The following ZDHHC15 variants were observed in gnomAD, a reference collection of about 807,000 sequenced individuals.
The protein encoded by ZDHHC15 is palmitoyltransferase ZDHHC15.
Under a neutral mutation model 31.7 loss-of-function variants are expected in ZDHHC15, and 19 were observed. The ratio of observed to expected loss-of-function variants is 0.60; its 90% CI spans 0.42 to 0.88. ZDHHC15 has a LOEUF of 0.88. Ranked by LOEUF, ZDHHC15 falls within the 40% of genes least tolerant of loss-of-function variation. ZDHHC15 has a pLI of 0.00. For synonymous variants in ZDHHC15, 103 were observed against 90.0 expected (o/e 1.14, Z -0.82); for missense variants, 209 against 251.2 (o/e 0.83, Z 1.14).
intron 4 of ZDHHC15, among the ~76,000 whole-genome samples, chrX:75,438,170 C>T (rs966493116): frequency 8.9e-6 from 1 of 111,871 alleles, no homozygotes; most frequent in Non-Finnish European, 1.9e-5. Flanking sequence ...AACACTTTTA[C>T]ACTGTTGGTG....
At chrX:75,521,091 G>T in intron 1 of ZDHHC15, among the ~76,000 whole-genome samples, 1 of 110,491 alleles carries the variant, frequency 9.1e-6, no homozygotes, top group East Asian at 2.9e-4. Flanking sequence ...GGTGAGAAGA[G>T]TTTGGTATGA....
At chrX:75,477,022 A>AT (rs931244585) in intron 3 of ZDHHC15, among the ~76,000 whole-genome samples, 1 of 110,643 alleles carries the variant, frequency 9.0e-6, no homozygotes, top group Non-Finnish European at 1.9e-5. Context: ...ACAGCCATAA[A>AT]TTTTTTTCTG....
chrX:75,404,080 A>C (rs1341335084), intron 10 of ZDHHC15, among the ~76,000 whole-genome samples: 1 of 111,883 alleles, frequency 8.9e-6, no homozygotes, highest in Non-Finnish European at 1.9e-5. Flanking sequence ...CTGCACATCT[A>C]TGAACATGTG....
At chrX:75,504,746 T>C (rs2085133289) in intron 2 of ZDHHC15, among the ~76,000 whole-genome samples, 1 of 111,390 alleles carries the variant, frequency 9.0e-6, no homozygotes, top group Non-Finnish European at 1.9e-5. Flanking sequence ...TATATAATTA[T>C]TTAATATTTT....
At chrX:75,515,499 T>C (rs1448064563) in intron 1 of ZDHHC15, among the ~76,000 whole-genome samples, 3 of 111,770 alleles carry the variant, frequency 2.7e-5, no homozygotes, top group African/African-American at 9.8e-5. Context: ...ATTATCTTAA[T>C]AGACACAGAA....
chrX:75,393,813 C>T (rs1385898703), intron 10 of ZDHHC15, among the ~76,000 whole-genome samples: 1 of 111,717 alleles, frequency 9.0e-6, no homozygotes, highest in Non-Finnish European at 1.9e-5. Context: ...ACAAGGTCCA[C>T]AATAGGCTGT....
chrX:75,476,054 T>C (rs2084599055), intron 3 of ZDHHC15, among the ~76,000 whole-genome samples: 1 of 111,247 alleles, frequency 9.0e-6, no homozygotes, highest in African/African-American at 3.3e-5. Context: ...TTTTGCGTGA[T>C]GTGGTGATTT....
chrX:75,400,619 G>A (rs1315646723), intron 10 of ZDHHC15, among the ~76,000 whole-genome samples: 3 of 111,432 alleles, frequency 2.7e-5, no homozygotes, highest in African/African-American at 9.8e-5. Flanking sequence ...TCAAAAGCAA[G>A]AAATACAGAG....
At chrX:75,468,776 A>G (rs1431929766) in intron 3 of ZDHHC15, among the ~76,000 whole-genome samples, 1 of 111,983 alleles carries the variant, frequency 8.9e-6, no homozygotes, top group South Asian at 3.7e-4. Context: ...CCTAGTAGGT[A>G]TCTATCATGG....
intron 10 of ZDHHC15, among the ~76,000 whole-genome samples, chrX:75,393,644 G>A (rs2083269260): frequency 1.8e-5 from 2 of 111,483 alleles, no homozygotes; most frequent in African/African-American, 6.5e-5. Context: ...ATATTAAGCA[G>A]CCAATTCCAG....
chrX:75,483,860 T>C (rs5938079), intron 2 of ZDHHC15, among the ~76,000 whole-genome samples: 9,096 of 110,887 alleles, frequency 0.082, 558 homozygotes, highest in African/African-American at 0.22. Context: ...CAAAGCAGAA[T>C]CCCTATTGCC....
At chrX:75,497,467 A>C (rs866675002) in intron 2 of ZDHHC15, among the ~76,000 whole-genome samples, 2 of 111,823 alleles carry the variant, frequency 1.8e-5, no homozygotes, top group Non-Finnish European at 3.8e-5. Flanking sequence ...AATCCTCCCT[A>C]AATCATTCTA....
intron 10 of ZDHHC15, among the ~76,000 whole-genome samples, chrX:75,396,628 TCTA>T (rs1173814905): frequency 8.9e-6 from 1 of 111,844 alleles, no homozygotes; most frequent in South Asian, 3.7e-4. Flanking sequence ...ATCCAGCAAT[TCTA>T]CTCCTAGTTA....
chrX:75,385,923 C>T (rs779329562), intron 10 of ZDHHC15, among the ~76,000 whole-genome samples: 61 of 111,826 alleles, frequency 5.5e-4, no homozygotes, highest in South Asian at 2.6e-3. Flanking sequence ...TGTATCTTAT[C>T]TCCCCAAATA....
intron 1 of ZDHHC15, among the ~76,000 whole-genome samples, chrX:75,511,350 T>G (rs1475842056): frequency 6.6e-5 from 2 of 30,399 alleles, no homozygotes; most frequent in African/African-American, 1.1e-4. Flanking sequence ...TTTTTTCATG[T>G]GTTTTTTGGC....
chrX:75,380,781 G>A (rs774577119), intron 10 of ZDHHC15, among the ~76,000 whole-genome samples: 41 of 111,503 alleles, frequency 3.7e-4, no homozygotes, highest in African/African-American at 1.3e-3. Context: ...TGCCCTTGCT[G>A]CCTATGTAGT....
intron 3 of ZDHHC15, among the ~76,000 whole-genome samples, chrX:75,452,427 C>A (rs773316505): frequency 9.0e-6 from 1 of 110,710 alleles, no homozygotes; most frequent in African/African-American, 3.3e-5. Context: ...TTAGACTCCA[C>A]ACAATAATAA....
chrX:75,376,842 C>T (rs917662696), intron 11 of ZDHHC15, among the ~76,000 whole-genome samples: 5 of 111,410 alleles, frequency 4.5e-5, no homozygotes, highest in African/African-American at 1.6e-4. Flanking sequence ...AGAATAAGTA[C>T]ATTTTTGGGG....
chrX:75,385,251 A>G (rs1470022578), intron 10 of ZDHHC15, among the ~76,000 whole-genome samples: 1 of 111,614 alleles, frequency 9.0e-6, no homozygotes, highest in East Asian at 2.8e-4. Context: ...TATAGGATGT[A>G]CTTGGAGAGT....
Sources: allele counts gnomAD v4.1 joint callset (sites outside exome capture counted in the v4.1 genomes callset), GRCh38; gene constraint gnomAD v4.1.1; transcripts MANE v1.5; gene names NCBI Gene and HGNC (gene_info 2026-07-23, HGNC 2026-07-21).